The following ENTHD1 variants were observed in gnomAD, a reference collection of about 807,000 sequenced individuals.
ENTHD1 encodes the protein ENTH domain-containing protein 1.
In ENTHD1, 23 loss-of-function variants were observed where a neutral mutation model predicts 39.1. The observed-to-expected ratio is 0.59, with a 90% CI of 0.42 to 0.83. The LOEUF (loss-of-function observed/expected upper bound fraction) is 0.83. Ranked by LOEUF, ENTHD1 falls within the 40% of genes least tolerant of loss-of-function variation. The pLI is 0.00. For missense variants in ENTHD1, 624 were observed against 705.4 expected (o/e 0.88, Z 1.31); for synonymous variants, 230 against 258.2 (o/e 0.89, Z 1.05).
intron 1 of ENTHD1, among the ~76,000 whole-genome samples, chr22:39,889,865 C>T (rs1325188701): frequency 3.3e-5 from 5 of 151,834 alleles, no homozygotes; most frequent in East Asian, 3.9e-4. Flanking sequence ...GGGAGGCTGC[C>T]GCGGGCAGAT....
At chr22:39,795,192 A>G (rs184132704) in intron 5 of ENTHD1, among the ~76,000 whole-genome samples, 26 of 152,228 alleles carry the variant, frequency 1.7e-4, no homozygotes, top group African/African-American at 1.2e-4. Flanking sequence ...TTTTACAACT[A>G]TGTTCATCAG....
intron 3 of ENTHD1, among the ~76,000 whole-genome samples, chr22:39,849,724 T>C (rs924093031): frequency 1.3e-5 from 2 of 152,166 alleles, no homozygotes; most frequent in African/African-American, 4.8e-5. Flanking sequence ...ATAACTTGAT[T>C]TTATGTTTTG....
At chr22:39,779,287 G>A (rs1174776501) in intron 5 of ENTHD1, among the ~76,000 whole-genome samples, 1 of 152,148 alleles carries the variant, frequency 6.6e-6, no homozygotes, top group East Asian at 1.9e-4. Context: ...GTTGCAGTGA[G>A]CCAAGATCAC....
At chr22:39,746,992 T>C (rs1271875828) in intron 6 of ENTHD1, among the ~76,000 whole-genome samples, 1 of 152,150 alleles carries the variant, frequency 6.6e-6, no homozygotes, top group Non-Finnish European at 1.5e-5. Context: ...TTTTGTTTTG[T>C]TTTTTCTTTT....
chr22:39,855,495 CTT>C (rs1197188948), intron 3 of ENTHD1, among the ~76,000 whole-genome samples: 2 of 151,678 alleles, frequency 1.3e-5, no homozygotes, highest in Non-Finnish European at 2.9e-5. Context: ...AACAGAATCT[CTT>C]AACTTTCATC....
At chr22:39,814,116 G>C (rs759743927) in intron 5 of ENTHD1, among the ~76,000 whole-genome samples, 2 of 151,978 alleles carry the variant, frequency 1.3e-5, no homozygotes, top group Non-Finnish European at 2.9e-5. Context: ...ATTCAATGTA[G>C]AGCCAATCAA....
intron 6 of ENTHD1, among the ~76,000 whole-genome samples, chr22:39,760,302 T>C (rs1284441863): frequency 6.6e-6 from 1 of 152,058 alleles, no homozygotes; most frequent in Non-Finnish European, 1.5e-5. Context: ...CATGTATTTT[T>C]GAAGTTCTTT....
chr22:39,758,955 A>G (rs935923114), intron 6 of ENTHD1, among the ~76,000 whole-genome samples: 2 of 152,156 alleles, frequency 1.3e-5, no homozygotes, highest in African/African-American at 2.4e-5. Context: ...TCGGGGAAAA[A>G]TCCCACTTGG....
At chr22:39,857,103 A>G (rs2066097602) in intron 3 of ENTHD1, among the ~76,000 whole-genome samples, 1 of 152,114 alleles carries the variant, frequency 6.6e-6, no homozygotes. Flanking sequence ...AGTGTAGTGA[A>G]TGAGACATGT....
intron 5 of ENTHD1, among the ~76,000 whole-genome samples, chr22:39,796,741 T>C (rs1488586185): frequency 6.6e-6 from 1 of 152,250 alleles, no homozygotes; most frequent in African/African-American, 2.4e-5. Context: ...TGAAAAGACA[T>C]TTCATACAAT....
At chr22:39,824,371 A>G (rs990241415) in intron 4 of ENTHD1, among the ~76,000 whole-genome samples, 1 of 151,550 alleles carries the variant, frequency 6.6e-6, no homozygotes, top group Non-Finnish European at 1.5e-5. Context: ...CACCACGACC[A>G]GGTAATTTTT....
intron 3 of ENTHD1, among the ~76,000 whole-genome samples, chr22:39,848,697 T>C (rs976272554): frequency 4.6e-5 from 7 of 152,284 alleles, no homozygotes; most frequent in African/African-American, 1.4e-4. Context: ...GGACTGTATA[T>C]AGGCAAGGGT....
chr22:39,881,239 C>T (rs1203957164), intron 2 of ENTHD1, among the ~76,000 whole-genome samples: 2 of 152,116 alleles, frequency 1.3e-5, no homozygotes, highest in Non-Finnish European at 2.9e-5. Flanking sequence ...CTGTGAAGTA[C>T]CTCTAACTTT....
chr22:39,835,451 G>A (rs990909305), intron 4 of ENTHD1, among the ~76,000 whole-genome samples: 2 of 151,804 alleles, frequency 1.3e-5, no homozygotes, highest in Non-Finnish European at 2.9e-5. Context: ...ACACTTAGAA[G>A]AAAAAATAAG....
chr22:39,760,715 G>A (rs547455345), intron 6 of ENTHD1, among the ~76,000 whole-genome samples: 11 of 151,844 alleles, frequency 7.2e-5, no homozygotes, highest in East Asian at 5.8e-4. Context: ...TGTGTTGATC[G>A]AATATATTTT....
chr22:39,889,163 G>A (rs1272268195), intron 1 of ENTHD1, among the ~76,000 whole-genome samples: 1 of 152,058 alleles, frequency 6.6e-6, no homozygotes, highest in East Asian at 1.9e-4. Context: ...GTTCACCTTT[G>A]GAAAAAGAAG....
chr22:39,876,756 AGAAAGG>A (rs1569179193), intron 2 of ENTHD1, among the ~76,000 whole-genome samples: 1 of 152,210 alleles, frequency 6.6e-6, no homozygotes, highest in Non-Finnish European at 1.5e-5. Context: ...TTTGTAGTGA[AGAAAGG>A]GAAATTTTTG....
At chr22:39,819,229 G>C (rs1482776500) in intron 5 of ENTHD1, among the ~76,000 whole-genome samples, 1 of 152,090 alleles carries the variant, frequency 6.6e-6, no homozygotes, top group Non-Finnish European at 1.5e-5. Flanking sequence ...GCCAGGCATG[G>C]TGGCGGGTGC....
intron 5 of ENTHD1, among the ~76,000 whole-genome samples, chr22:39,779,964 A>G (rs2065395138): frequency 6.6e-6 from 1 of 152,254 alleles, no homozygotes; most frequent in East Asian, 1.9e-4. Flanking sequence ...ATGAAAAGCA[A>G]TGAATTAATA....
Sources: allele counts gnomAD v4.1 joint callset (sites outside exome capture counted in the v4.1 genomes callset), GRCh38; gene constraint gnomAD v4.1.1; transcripts MANE v1.5; gene names NCBI Gene and HGNC (gene_info 2026-07-23, HGNC 2026-07-21).